Variants in CCDC158 observed in about 807,000 individuals in gnomAD.
CCDC158 encodes the protein coiled-coil domain-containing protein 158.
CCDC158 carries 116 observed loss-of-function variants against 138.6 expected under a neutral mutation model. The ratio of observed to expected loss-of-function variants is 0.84; its 90% CI spans 0.72 to 0.98. The LOEUF is 0.98. Ranked by LOEUF, CCDC158 falls within the 50% of genes least tolerant of loss-of-function variation. CCDC158 has a pLI of 0.00. For synonymous variants in CCDC158, 436 were observed against 442.4 expected (o/e 0.99, Z 0.18); for missense variants, 1,265 against 1,306.1 (o/e 0.97, Z 0.48).
intron 4 of CCDC158, among the ~76,000 whole-genome samples, chr4:76,393,827 T>C (rs1035699817): frequency 4.2e-4 from 64 of 152,060 alleles, no homozygotes; most frequent in African/African-American, 1.5e-3. Flanking sequence ...ATGATTTGAA[T>C]AGACATTTCT....
At chr4:76,345,144 GA>G in intron 18 of CCDC158, 1 of 1,087,022 alleles carries the variant, frequency 9.2e-7, no homozygotes, top group Non-Finnish European at 1.4e-6. Flanking sequence ...CCTGGCTTTA[GA>G]AGAGCCCACA....
At chr4:76,354,233 CAAAAAAAAAAAAAA>C (rs749565764) in intron 15 of CCDC158, among the ~76,000 whole-genome samples, 1 of 63,938 alleles carries the variant, frequency 1.6e-5, no homozygotes. Context: ...TTCCCAAAGG[CAAAAAAAAAAAAAA>C]AAAAAAAAAG....
intron 1 of CCDC158, among the ~76,000 whole-genome samples, chr4:76,414,702 G>T (rs1465473176): frequency 6.6e-6 from 1 of 152,176 alleles, no homozygotes; most frequent in Non-Finnish European, 1.5e-5. Flanking sequence ...GAGATCCGAT[G>T]GGGTTGTAAG....
At chr4:76,350,906 G>T in intron 18 of CCDC158, 90 bp downstream of exon 18, 1 of 1,271,006 alleles carries the variant, frequency 7.9e-7, no homozygotes, top group South Asian at 1.5e-5. Flanking sequence ...TATGGATATA[G>T]AGATATTATT....
At chr4:76,328,132 A>T (rs1720691470) in intron 22 of CCDC158, among the ~76,000 whole-genome samples, 1 of 152,066 alleles carries the variant, frequency 6.6e-6, no homozygotes, top group Non-Finnish European at 1.5e-5. Flanking sequence ...TTGACTTTCA[A>T]TCTCTTCTTT....
intron 3 of CCDC158, 68 bp downstream of exon 3, chr4:76,403,070 C>T: frequency 9.3e-7 from 1 of 1,074,140 alleles, no homozygotes; most frequent in Non-Finnish European, 1.4e-6. Context: ...ATACTAGAAA[C>T]AGCAGCTTGA....
chr4:76,348,291 C>T (rs1722749705), intron 18 of CCDC158, among the ~76,000 whole-genome samples: 1 of 150,458 alleles, frequency 6.6e-6, no homozygotes, highest in African/African-American at 2.4e-5. Context: ...AAAAATTAGC[C>T]AGGCGAGGTG....
intron 24 of CCDC158, among the ~76,000 whole-genome samples, chr4:76,318,165 A>C (rs1719590225): frequency 2.6e-5 from 4 of 152,186 alleles, no homozygotes; most frequent in Admixed American, 2.0e-4. Flanking sequence ...AGATCAGAAC[A>C]GAATTAAATG....
rs1365522185 is a variant in CCDC158, at chr4:76,334,166, T to C, written c.2666A>G (p.His889Arg). The change falls in exon 19 of 25, where the codon CAC (histidine) becomes CGC (arginine). Residue 889 changes from histidine to arginine, a missense_variant and splice_region_variant. By Grantham distance (29) the His-to-Arg change is conservative (BLOSUM62 0). Coordinates refer to ENST00000682701, the MANE Select transcript of CCDC158 (RefSeq NM_001394954.1). The part of the protein sequence containing the change: ...SQSTASFLSH[H>R]STKANTLKED... ...CTTCAGTGTGTTAGCTTTTGTAGAG[T>C]GCTGAGTTAAAACAATTTACAAAGA... The C allele has an allele frequency of 1.9e-6, 3 of 1,571,492 alleles. No homozygotes were observed. Among genetic ancestry groups the C allele is most frequent in the Non-Finnish European group, 1.7e-6 (2 of 1,153,326 alleles).
At chr4:76,411,037 C>T (rs947997555) in intron 2 of CCDC158, among the ~76,000 whole-genome samples, 14 of 152,166 alleles carry the variant, frequency 9.2e-5, no homozygotes, top group East Asian at 1.9e-4. Flanking sequence ...ATAGTAACTG[C>T]GGCCTTCCTA....
At chr4:76,375,516 AATC>A (rs1379366441) in intron 9 of CCDC158, 1 of 700,666 alleles carries the variant, frequency 1.4e-6, no homozygotes, top group African/African-American at 1.8e-5. Context: ...AGTGCTACTA[AATC>A]ATCACTTTTT....
intron 24 of CCDC158, among the ~76,000 whole-genome samples, chr4:76,315,361 A>ATTG (rs1441304420): frequency 6.6e-6 from 1 of 152,054 alleles, no homozygotes; most frequent in African/African-American, 2.4e-5. Context: ...CACACAAACT[A>ATTG]TTGAGAGCTT....
At chr4:76,336,542 T>C (rs1721528258) in intron 18 of CCDC158, among the ~76,000 whole-genome samples, 1 of 152,210 alleles carries the variant, frequency 6.6e-6, no homozygotes, top group Non-Finnish European at 1.5e-5. Flanking sequence ...TGGCCTTTGC[T>C]TGATCACCAA....
intron 2 of CCDC158, among the ~76,000 whole-genome samples, chr4:76,405,083 A>G (rs959660111): frequency 5.6e-4 from 85 of 152,340 alleles, no homozygotes; most frequent in African/African-American, 2.0e-3. Context: ...AAACTCTGAG[A>G]CATACACTAG....
chr4:76,368,193 C>T (rs1165464764), intron 11 of CCDC158, among the ~76,000 whole-genome samples: 1 of 152,146 alleles, frequency 6.6e-6, no homozygotes, highest in Non-Finnish European at 1.5e-5. Flanking sequence ...GAAGTTTCCT[C>T]TGTGGATGTT....
intron 1 of CCDC158, among the ~76,000 whole-genome samples, chr4:76,412,820 T>C (rs1729397026): frequency 6.6e-6 from 1 of 152,252 alleles, no homozygotes; most frequent in African/African-American, 2.4e-5. Flanking sequence ...TGTTTAATTA[T>C]ATGCTATTGG....
intron 1 of CCDC158, among the ~76,000 whole-genome samples, chr4:76,417,800 C>A (rs1458905928): frequency 6.6e-6 from 1 of 152,166 alleles, no homozygotes; most frequent in African/African-American, 2.4e-5. Flanking sequence ...GGGTCAGCCT[C>A]ACAGTGGCCA....
intron 14 of CCDC158, among the ~76,000 whole-genome samples, 182 bp downstream of exon 14, chr4:76,357,191 AT>A (rs1723654600): frequency 6.6e-6 from 1 of 152,210 alleles, no homozygotes; most frequent in Admixed American, 6.5e-5. Context: ...CTCCATGGCA[AT>A]TTCCTAAAAA....
At chr4:76,383,288 T>G (rs538492617) in intron 7 of CCDC158, among the ~76,000 whole-genome samples, 2 of 152,184 alleles carry the variant, frequency 1.3e-5, no homozygotes, top group Admixed American at 6.5e-5. Context: ...GCCTTTGATA[T>G]CTAAGCCCTT....
Sources: allele counts gnomAD v4.1 joint callset (sites outside exome capture counted in the v4.1 genomes callset), GRCh38; gene constraint gnomAD v4.1.1; transcripts MANE v1.5; gene names NCBI Gene and HGNC (gene_info 2026-07-23, HGNC 2026-07-21).